ASTN2: variants seen among roughly 807,000 people sequenced by gnomAD.
The protein encoded by ASTN2 is astrotactin 2.
ASTN2 carries 54 observed loss-of-function variants against 139.8 expected under a neutral mutation model. The ratio of observed to expected loss-of-function variants is 0.39; its 90% CI spans 0.31 to 0.48. The LOEUF is 0.48. Ranked by LOEUF, ASTN2 falls within the 20% of genes least tolerant of loss-of-function variation. The pLI is 0.95. For synonymous variants in ASTN2, 756 were observed against 719.5 expected (o/e 1.05, Z -0.81); for missense variants, 1,565 against 1,725.1 (o/e 0.91, Z 1.64).
intron 10 of ASTN2, among the ~76,000 whole-genome samples, chr9:116,967,561 T>C (rs566499614): frequency 6.6e-6 from 1 of 152,318 alleles, no homozygotes; most frequent in African/African-American, 2.4e-5. Flanking sequence ...GAAAGCACAC[T>C]TCTAGGTTGC....
intron 5 of ASTN2, among the ~76,000 whole-genome samples, chr9:117,048,481 A>G (rs941901031): frequency 2.0e-5 from 3 of 152,308 alleles, no homozygotes; most frequent in Non-Finnish European, 4.4e-5. Context: ...GACCGTTTCT[A>G]TAGTGCAGGC....
intron 20 of ASTN2, among the ~76,000 whole-genome samples, chr9:116,458,440 T>A (rs936811058): frequency 3.9e-5 from 6 of 151,930 alleles, no homozygotes; most frequent in African/African-American, 1.4e-4. Flanking sequence ...ATGTGATTAT[T>A]ACACATCGCA....
At chr9:117,129,431 A>C (rs980619913) in intron 4 of ASTN2, among the ~76,000 whole-genome samples, 2 of 152,244 alleles carry the variant, frequency 1.3e-5, no homozygotes, top group African/African-American at 4.8e-5. Context: ...AAATAAAATA[A>C]AATATTAAGA....
At chr9:117,221,518 G>T (rs925422576) in intron 2 of ASTN2, among the ~76,000 whole-genome samples, 1 of 152,210 alleles carries the variant, frequency 6.6e-6, no homozygotes, top group African/African-American at 2.4e-5. Flanking sequence ...GCCACCAGGG[G>T]ATTTGGTATT....
intron 10 of ASTN2, among the ~76,000 whole-genome samples, chr9:116,944,851 G>C (rs1274527466): frequency 1.3e-5 from 2 of 152,084 alleles, no homozygotes; most frequent in Admixed American, 1.3e-4. Context: ...ATCAGATTGA[G>C]GTACTGTATC....
chr9:117,253,472 C>A (rs892327601), intron 2 of ASTN2, among the ~76,000 whole-genome samples: 1 of 152,122 alleles, frequency 6.6e-6, no homozygotes, highest in Non-Finnish European at 1.5e-5. Context: ...AGATAAAAAA[C>A]GAGCTGGTAT....
intron 19 of ASTN2, among the ~76,000 whole-genome samples, chr9:116,589,227 A>G (rs58020900): frequency 0.16 from 24,606 of 152,174 alleles, 2,178 homozygotes; most frequent in African/African-American, 0.22. Context: ...GCAATTAAAG[A>G]TGTATTACTT....
rs527419093 is a variant in ASTN2, at chr9:116,600,230, G to A, written c.3355+18094C>T. Among the ~76,000 whole-genome samples, 21 of 151,072 alleles carry A rather than the reference G, an allele frequency of 1.4e-4. No individual in the cohort carries two copies. In the South Asian group the frequency reaches 4.4e-3, roughly 32 times the overall value. On this transcript the variant is annotated intron_variant, in intron 19 of 22. Transcript: ENST00000313400. Reference sequence around the variant, plus strand: ...TCCCAGCTACTTGGGAGGCTGAGGTGGAAGGACTGACTGAGCCCGGGAGAT... The same window carrying A: ...TCCCAGCTACTTGGGAGGCTGAGGTAGAAGGACTGACTGAGCCCGGGAGAT...
intron 13 of ASTN2, among the ~76,000 whole-genome samples, chr9:116,798,645 C>T (rs533395349): frequency 2.0e-5 from 3 of 152,226 alleles, no homozygotes; most frequent in Admixed American, 6.5e-5. Context: ...GATAGCATGT[C>T]TCTGTCCAAT....
intron 13 of ASTN2, among the ~76,000 whole-genome samples, chr9:116,793,078 C>T (rs1830599407): frequency 6.6e-6 from 1 of 151,756 alleles, no homozygotes; most frequent in Non-Finnish European, 1.5e-5. Flanking sequence ...AAAACCTGCA[C>T]ATGTACCCCC....
chr9:116,698,033 G>A lies in ASTN2; in HGVS notation c.2806+27738C>T. On this transcript the variant is annotated intron_variant, in intron 16 of 22. Coordinates refer to ENST00000313400, the MANE Select transcript of ASTN2 (RefSeq NM_001365068.1). This position sits in a 1 kb window ranked among gnomAD's most constrained non-coding sequence, Gnocchi z 4.4. ...CTGGGCTCAGCGAGGCTGTGGGGCT[G>A]CTCATGTGTCGGTCCTGTGGGCGGC... The A allele has an allele frequency of 6.2e-7, 1 of 1,614,052 alleles. No individual in the cohort carries two copies. Among genetic ancestry groups the A allele is most frequent in the Non-Finnish European group, 8.5e-7 (1 of 1,180,042 alleles).
At chr9:117,354,903 A>G (rs1173663061) in intron 1 of ASTN2, among the ~76,000 whole-genome samples, 2 of 152,236 alleles carry the variant, frequency 1.3e-5, no homozygotes, top group Non-Finnish European at 2.9e-5. Context: ...AGTTATCAAA[A>G]TACTCAACGA....
chr9:117,006,893 G>C (rs900372525), intron 7 of ASTN2, among the ~76,000 whole-genome samples: 2 of 152,066 alleles, frequency 1.3e-5, no homozygotes, highest in Non-Finnish European at 2.9e-5. Context: ...GAGGTGGGCG[G>C]ATCATGAAGT....
intron 13 of ASTN2, among the ~76,000 whole-genome samples, chr9:116,751,072 T>G (rs755304308): frequency 2.6e-5 from 4 of 152,128 alleles, no homozygotes; most frequent in African/African-American, 9.7e-5. Context: ...ACTCCACTCA[T>G]AGAGAGAGGG....
chr9:116,580,778 C>A (rs1359256950), intron 19 of ASTN2, among the ~76,000 whole-genome samples: 2 of 152,152 alleles, frequency 1.3e-5, no homozygotes, highest in Non-Finnish European at 2.9e-5. Flanking sequence ...TAAATTGCTT[C>A]CAGACCTCAT....
At chr9:117,204,630 G>T (rs1831851992) in intron 3 of ASTN2, among the ~76,000 whole-genome samples, 1 of 152,162 alleles carries the variant, frequency 6.6e-6, no homozygotes, top group Non-Finnish European at 1.5e-5. Flanking sequence ...ATTTGGGTTG[G>T]GTTGAGGAAG....
intron 10 of ASTN2, among the ~76,000 whole-genome samples, chr9:116,941,318 T>C (rs1835222149): frequency 6.6e-6 from 1 of 152,162 alleles, no homozygotes; most frequent in Non-Finnish European, 1.5e-5. Context: ...TTTTTTTTTT[T>C]TAAGTCTTTT....
At chr9:117,295,496 T>C (rs1257909111) in intron 1 of ASTN2, among the ~76,000 whole-genome samples, 1 of 152,102 alleles carries the variant, frequency 6.6e-6, no homozygotes, top group Non-Finnish European at 1.5e-5. Flanking sequence ...ACATAATACA[T>C]GCTCAGTAAA....
intron 7 of ASTN2, among the ~76,000 whole-genome samples, chr9:116,979,516 G>A (rs989008350): frequency 1.3e-5 from 2 of 152,132 alleles, no homozygotes; most frequent in African/African-American, 4.8e-5. Context: ...TTACCAAAGC[G>A]AGGAGGGGCA....
Sources: gnomAD v4.1 joint callset for allele counts (sites outside exome capture counted in the v4.1 genomes callset) on GRCh38, gnomAD v4.1.1 for gene constraint, Gnocchi (gnomAD v3.1) non-coding constraint, MANE v1.5 for transcripts, NCBI Gene and HGNC (gene_info 2026-07-23, HGNC 2026-07-21) for gene names.